Variants in LINGO2 observed in about 807,000 individuals in gnomAD.
The protein encoded by LINGO2 is leucine-rich repeat and immunoglobulin-like domain-containing nogo receptor-interacting protein 2.
LINGO2 carries 14 observed loss-of-function variants against 30.6 expected under a neutral mutation model. The ratio of observed to expected loss-of-function variants is 0.46; its 90% CI spans 0.30 to 0.72. The LOEUF (loss-of-function observed/expected upper bound fraction) is 0.72, where lower values mean the gene tolerates loss of function less well. Ranked by LOEUF, LINGO2 falls within the 30% of genes least tolerant of loss-of-function variation. The probability of loss-of-function intolerance (pLI) is 0.07; values close to 1 mark genes in which losing one functional copy is unlikely to be tolerated. For missense variants in LINGO2, 729 were observed against 751.7 expected (o/e 0.97, Z 0.35); for synonymous variants, 317 against 288.5 (o/e 1.10, Z -1.00).
At chr9:29,141,209 TA>T in the LINGO2 span, among the ~76,000 whole-genome samples, 7 of 151,890 alleles carry the variant, frequency 4.6e-5, no homozygotes, top group South Asian at 2.1e-4. Flanking sequence ...GACAGAAGTA[TA>T]AAAAAACTAT....
chr9:28,069,045 TA>T (rs1373276924), intron 4 of LINGO2, among the ~76,000 whole-genome samples: 2 of 152,082 alleles, frequency 1.3e-5, no homozygotes, highest in Non-Finnish European at 2.9e-5. Flanking sequence ...AAGCAGAAGA[TA>T]AAAAGCCATC....
chr9:29,022,637 G>A, the LINGO2 span, among the ~76,000 whole-genome samples: 1 of 152,194 alleles, frequency 6.6e-6, no homozygotes, highest in South Asian at 2.1e-4. Context: ...TTCATTTCCT[G>A]GTAAAATGCT....
At chr9:29,016,494 T>C in the LINGO2 span, among the ~76,000 whole-genome samples, 1 of 152,140 alleles carries the variant, frequency 6.6e-6, no homozygotes. Flanking sequence ...TTACCACAGA[T>C]CATTATGAAA....
At chr9:27,983,690 T>A (rs1820992049) in intron 5 of LINGO2, among the ~76,000 whole-genome samples, 1 of 151,890 alleles carries the variant, frequency 6.6e-6, no homozygotes, top group East Asian at 1.9e-4. Flanking sequence ...TGCATCTAAC[T>A]GGTGGCACAG....
the LINGO2 span, among the ~76,000 whole-genome samples, chr9:28,710,773 A>G: frequency 6.6e-6 from 1 of 152,144 alleles, no homozygotes; most frequent in East Asian, 1.9e-4. Context: ...TATTTACATG[A>G]GTTGAATAAT....
chr9:28,632,363 G>A (rs1411228118), intron 1 of LINGO2, among the ~76,000 whole-genome samples: 1 of 151,828 alleles, frequency 6.6e-6, no homozygotes, highest in Admixed American at 6.6e-5. Context: ...CTTGTAGGGA[G>A]AAGCCAAAGA....
At chr9:29,045,757 G>A in the LINGO2 span, among the ~76,000 whole-genome samples, 2 of 152,044 alleles carry the variant, frequency 1.3e-5, no homozygotes, top group Non-Finnish European at 2.9e-5. Flanking sequence ...TAATGATCTT[G>A]ATTCTTTCTA....
chr9:28,183,421 A>G (rs1819429323), intron 4 of LINGO2, among the ~76,000 whole-genome samples: 2 of 149,992 alleles, frequency 1.3e-5, no homozygotes, highest in Non-Finnish European at 3.0e-5. Flanking sequence ...CCCAGAAATT[A>G]ATTTTTTTTT....
chr9:28,308,900 T>C (rs1422624035), intron 3 of LINGO2, among the ~76,000 whole-genome samples: 1 of 152,180 alleles, frequency 6.6e-6, no homozygotes, highest in Non-Finnish European at 1.5e-5. Context: ...TCACACCAGT[T>C]AGAATGGCAT....
At chr9:28,470,917 AAATAT>A (rs1430262343) in intron 2 of LINGO2, among the ~76,000 whole-genome samples, 2 of 148,214 alleles carry the variant, frequency 1.3e-5, no homozygotes, top group Admixed American at 1.4e-4. Flanking sequence ...CAAATATATA[AAATAT>A]AAGTAATATA....
At chr9:28,157,093 CTG>C (rs1383655211) in intron 4 of LINGO2, among the ~76,000 whole-genome samples, 1 of 152,196 alleles carries the variant, frequency 6.6e-6, no homozygotes, top group African/African-American at 2.4e-5. Context: ...AATAGGGAAT[CTG>C]TGTGGGGTCT....
the LINGO2 span, among the ~76,000 whole-genome samples, chr9:28,762,097 A>C: frequency 2.6e-5 from 4 of 152,028 alleles, no homozygotes; most frequent in Non-Finnish European, 5.9e-5. Flanking sequence ...ATATCACTTA[A>C]TTGCATTCCT....
chr9:28,885,360 T>TATACAC, the LINGO2 span, among the ~76,000 whole-genome samples: 3,171 of 144,144 alleles, frequency 0.022, 133 homozygotes, highest in African/African-American at 0.078. Flanking sequence ...TATATATATA[T>TATACAC]ACACACACAC....
intron 5 of LINGO2, among the ~76,000 whole-genome samples, chr9:27,966,623 G>A (rs1321407636): frequency 1.3e-5 from 2 of 152,178 alleles, no homozygotes; most frequent in East Asian, 3.9e-4. Context: ...TAATGCATGT[G>A]GGGCTTAAAA....
intron 5 of LINGO2, among the ~76,000 whole-genome samples, chr9:28,003,433 A>G (rs1390880091): frequency 6.6e-6 from 1 of 151,986 alleles, no homozygotes; most frequent in East Asian, 1.9e-4. Context: ...AGTGTTTACT[A>G]TTAGAGGTGT....
chr9:28,030,816 A>T (rs148717634), intron 4 of LINGO2, among the ~76,000 whole-genome samples: 1 of 151,518 alleles, frequency 6.6e-6, no homozygotes, highest in East Asian at 1.9e-4. Flanking sequence ...GAGTAATCCA[A>T]TGATGAAGGA....
At chr9:28,777,486 T>C in the LINGO2 span, among the ~76,000 whole-genome samples, 1 of 152,210 alleles carries the variant, frequency 6.6e-6, no homozygotes, top group Non-Finnish European at 1.5e-5. Flanking sequence ...TATGAGGCGA[T>C]ACAAGATCAG....
intron 1 of LINGO2, among the ~76,000 whole-genome samples, chr9:28,653,164 T>C (rs2135980295): frequency 6.6e-6 from 1 of 152,280 alleles, no homozygotes; most frequent in Non-Finnish European, 1.5e-5. Flanking sequence ...AGTGCCTTAA[T>C]AAAACAGAAG....
At chr9:28,060,207 T>A (rs750890891) in intron 4 of LINGO2, among the ~76,000 whole-genome samples, 2 of 152,094 alleles carry the variant, frequency 1.3e-5, no homozygotes, top group Admixed American at 6.6e-5. Context: ...AAAATTCCAA[T>A]AGCATCTCCT....
Sources: gnomAD v4.1 joint callset for allele counts (sites outside exome capture counted in the v4.1 genomes callset) on GRCh38, gnomAD v4.1.1 for gene constraint, MANE v1.5 for transcripts, NCBI Gene and HGNC (gene_info 2026-07-23, HGNC 2026-07-21) for gene names.